Variants in CDKL5 observed in about 807,000 individuals in gnomAD.
CDKL5 encodes the protein cyclin dependent kinase like 5, also known as cyclin-dependent kinase-like 5.
Under a neutral mutation model 61.7 loss-of-function variants are expected in CDKL5, and 8 were observed. The ratio of observed to expected loss-of-function variants is 0.13; its 90% CI spans 0.08 to 0.23. CDKL5 has a LOEUF of 0.23. Ranked by LOEUF, CDKL5 falls within the 10% of genes least tolerant of loss-of-function variation. The pLI is 1.00. For missense variants in CDKL5, 440 were observed against 734.5 expected (o/e 0.60, Z 4.63); for synonymous variants, 275 against 272.3 (o/e 1.01, Z -0.10).
At chrX:18,579,308 A>AGG (rs1217062188) in intron 5 of CDKL5, among the ~76,000 whole-genome samples, 1 of 112,028 alleles carries the variant, frequency 8.9e-6, no homozygotes, top group Non-Finnish European at 1.9e-5. Flanking sequence ...ATTGAATTGT[A>AGG]GGGGGTCTGT....
downstream of CDKL5, chrX:18,642,018 T>C (rs1339570385): frequency 1.3e-5 from 16 of 1,209,888 alleles, no homozygotes; most frequent in Admixed American, 6.5e-5. Flanking sequence ...GCACACTTGC[T>C]GACGCACTCC....
At position 18,604,981 on chromosome X, in the gene CDKL5, T is replaced by G. The variant is rs186743142; in HGVS notation, c.1944+113T>G. On this transcript the variant is annotated intron_variant, in intron 12 of 17. Coordinates refer to ENST00000623535, the MANE Select transcript of CDKL5 (RefSeq NM_001323289.2). ...CTACTACAGGAGGTTGTGCTTTTCT[T>G]GATAGGATGCATTTAGGGAAGCAAT... 2,308 of 894,544 alleles carry G rather than the reference T, an allele frequency of 2.6e-3. 33 individuals are homozygous for G. In the African/African-American group the frequency reaches 0.037, roughly 14 times the overall value. The allele number at this position is 894,544 out of a possible 1,213,427, so 73.7% of individuals were successfully genotyped here.
intron 3 of CDKL5, chrX:18,535,866 C>T (rs1256978154): frequency 1.8e-5 from 2 of 112,616 alleles, no homozygotes; most frequent in Non-Finnish European, 3.8e-5. Context: ...CCACCATGTC[C>T]CCTCCTGGGG....
intron 3 of CDKL5, among the ~76,000 whole-genome samples, chrX:18,547,491 GTGATGTTCT>G (rs1382689801): frequency 8.9e-6 from 1 of 112,423 alleles, no homozygotes; most frequent in African/African-American, 3.2e-5. Flanking sequence ...GAGTGCTTCA[GTGATGTTCT>G]TGACATCAAG....
intron 1 of CDKL5, among the ~76,000 whole-genome samples, chrX:18,498,626 A>G (rs1392999949): frequency 9.0e-6 from 1 of 111,509 alleles, no homozygotes; most frequent in East Asian, 2.8e-4. Flanking sequence ...TGTTATTGTT[A>G]AGTGTATTAT....
intron 1 of CDKL5, among the ~76,000 whole-genome samples, chrX:18,448,142 G>A (rs1931924222): frequency 8.9e-6 from 1 of 111,943 alleles, no homozygotes; most frequent in South Asian, 3.7e-4. Flanking sequence ...GGTACCTTAC[G>A]CTCAGCATGT....
intron 14 of CDKL5, among the ~76,000 whole-genome samples, chrX:18,612,667 A>G (rs77575444): frequency 2.9e-4 from 31 of 107,981 alleles, no homozygotes; most frequent in African/African-American, 5.8e-4. Flanking sequence ...AAAAAAAAAA[A>G]AGAGAGAGAG....
intron 11 of CDKL5, among the ~76,000 whole-genome samples, chrX:18,603,407 T>C (rs1442453145): frequency 8.9e-6 from 1 of 112,490 alleles, no homozygotes; most frequent in Non-Finnish European, 1.9e-5. Context: ...CATTGGTGTC[T>C]GTGTATGTGC....
chrX:18,528,273 A>G (rs1161356979), intron 3 of CDKL5, among the ~76,000 whole-genome samples: 1 of 79,645 alleles, frequency 1.3e-5, no homozygotes, highest in Non-Finnish European at 2.3e-5. Context: ...TGCTGTATCT[A>G]TCGGTTACTG....
chrX:18,482,349 C>T (rs1401086344), intron 1 of CDKL5, among the ~76,000 whole-genome samples: 1 of 111,762 alleles, frequency 8.9e-6, no homozygotes, highest in Non-Finnish European at 1.9e-5. Context: ...CTTCATTGCC[C>T]CATCTTGTTT....
chrX:18,534,100 A>G (rs982922932), intron 3 of CDKL5, among the ~76,000 whole-genome samples: 3 of 111,441 alleles, frequency 2.7e-5, no homozygotes, highest in African/African-American at 9.8e-5. Flanking sequence ...TTTGCCTACT[A>G]CCTGGTAACC....
chrX:18,487,282 A>G (rs774905905), intron 1 of CDKL5, among the ~76,000 whole-genome samples: 1 of 112,094 alleles, frequency 8.9e-6, no homozygotes, highest in South Asian at 3.7e-4. Flanking sequence ...TTTTTCAATA[A>G]TTAGAACGAT....
At chrX:18,585,013 T>C (rs966099981) in intron 8 of CDKL5, among the ~76,000 whole-genome samples, 2 of 112,446 alleles carry the variant, frequency 1.8e-5, no homozygotes, top group African/African-American at 6.5e-5. Context: ...TTTGACATTC[T>C]GGCTTATCTA....
intron 10 of CDKL5, 146 bp from the exon 11 acceptor site, chrX:18,598,316 C>CTTTTTTTTTTTTTT: frequency 7.9e-6 from 3 of 378,668 alleles, no homozygotes; most frequent in Non-Finnish European, 9.2e-6. Flanking sequence ...TTTAGATAGT[C>CTTTTTTTTTTTTTT]TTTTTTTTTT....
chrX:18,639,570 T>C lies in CDKL5; in HGVS notation c.*10813T>C, dbSNP rs893950774. Among the ~76,000 whole-genome samples, 5 of 112,418 alleles carry C rather than the reference T, an allele frequency of 4.4e-5. No individual in the cohort carries two copies. The highest frequency in any genetic ancestry group is 1.9e-5 in the Non-Finnish European group (1 of 53,287). ...CATTGCTGGTGGAAATGTAAAATGA[T>C]GCAGCCACTTGGGATAATAGTTCCT... On this transcript the variant is annotated 3_prime_UTR_variant, in exon 18 of 18. Transcript: ENST00000623535.
chrX:18,628,425 C>A lies in CDKL5; in HGVS notation c.2551C>A (p.His851Asn), dbSNP rs770346971. ...KLLHLSSASN[H>N]PASSDPRFQP... is the part of the protein sequence containing the mutation. ...GTTACATCTCTCTTCGGCCTCAAAT[C>A]ACCCGGCTTCCTCAGATCCCCGCTT... The change falls in exon 18 of 18, where the codon CAC becomes AAC. Residue 851 changes from histidine (H) to asparagine (N), a missense_variant. Physicochemically the swap from His to Asn is moderately conservative, Grantham distance 68. Around this residue, in one of 2 missense-constraint regions of CDKL5, gnomAD observed 363 missense variants for 516.3 expected, o/e 0.70. Coordinates refer to ENST00000623535, the MANE Select transcript of CDKL5 (RefSeq NM_001323289.2). 14 of 1,210,008 alleles carry A rather than the reference C, an allele frequency of 1.2e-5. No individual in the cohort carries two copies. The highest frequency in any genetic ancestry group is 8.9e-6 in the Non-Finnish European group (8 of 894,957).
chrX:18,473,997 T>C (rs1348364639), intron 1 of CDKL5, among the ~76,000 whole-genome samples: 4 of 107,492 alleles, frequency 3.7e-5, no homozygotes, highest in African/African-American at 1.4e-4. Context: ...GCCTCCTGAG[T>C]AGCTGGGATT....
chrX:18,533,267 C>G (rs1923709494), intron 3 of CDKL5, among the ~76,000 whole-genome samples: 1 of 111,298 alleles, frequency 9.0e-6, no homozygotes, highest in Non-Finnish European at 1.9e-5. Context: ...AAACCTTTTA[C>G]TATGCTTTTG....
downstream of CDKL5, chrX:18,644,351 C>T: frequency 1.1e-6 from 1 of 890,167 alleles, no homozygotes; most frequent in Non-Finnish European, 1.7e-6. Context: ...TGACAGAGGG[C>T]AGTGACAGGA....
Sources: allele counts gnomAD v4.1 joint callset (sites outside exome capture counted in the v4.1 genomes callset), GRCh38; gene constraint gnomAD v4.1.1; regional missense constraint gnomAD v4.1.1; transcripts MANE v1.5; gene names NCBI Gene and HGNC (gene_info 2026-07-23, HGNC 2026-07-21).